Variants in PLEKHF1 observed in about 807,000 individuals in gnomAD.
PLEKHF1 encodes pleckstrin homology and FYVE domain containing 1.
A neutral mutation model predicts 4.1 loss-of-function variants in PLEKHF1; 1 was observed. The observed-to-expected ratio is 0.24, with a 90% CI of 0.09 to 1.15. The LOEUF (loss-of-function observed/expected upper bound fraction) is 1.15. PLEKHF1 is among the 50% of genes most tolerant of loss of function. The pLI is 0.52. For synonymous variants in PLEKHF1, 182 were observed against 178.5 expected (o/e 1.02, Z -0.16); for missense variants, 429 against 400.6 (o/e 1.07, Z -0.60).
At position 29,673,824 on chromosome 19, in the gene PLEKHF1, C is replaced by A. The variant is rs370308533; in HGVS notation, c.-16C>A. On this transcript the variant is annotated splice_region_variant and 5_prime_UTR_variant, in exon 2 of 2. Coordinates refer to ENST00000436066, the MANE Select transcript of PLEKHF1 (RefSeq NM_024310.5). The stretch of plus-strand genomic sequence containing the variant: ...ACTCCTTGTCTGTCTCCTCCTGCAG[C>A]CGCCAGCTGGAGACGATGGTGGACC... The A allele has an allele frequency of 1.1e-4, 170 of 1,578,966 alleles. No individual in the cohort carries two copies. The highest frequency in any genetic ancestry group is 5.1e-4 in the Middle Eastern group (3 of 5,934).
intron 1 of PLEKHF1, among the ~76,000 whole-genome samples, chr19:29,669,124 T>C (rs1250491677): frequency 6.6e-5 from 10 of 152,130 alleles, no homozygotes; most frequent in Admixed American, 5.2e-4. Flanking sequence ...AGGGGTCCCA[T>C]GTGGAGTGTT....
Position 29,674,206 on chromosome 19 carries a change from A to G in PLEKHF1, c.367A>G (p.Ile123Val). ...CTCCGCTACGGAGCGCCAGGAATGG[A>G]TTAGCCACATCGAGGAGTGCGTGCG... ...AASATERQEW[I>V]SHIEECVRRQ... Residue 123 changes from isoleucine (I) to valine (V), a missense_variant, in exon 2 of 2, where the codon ATT (isoleucine) becomes GTT (valine). By Grantham distance (29) the Ile-to-Val change is conservative. Coordinates refer to ENST00000436066, the MANE Select transcript of PLEKHF1 (RefSeq NM_024310.5). 6.2e-7 allele frequency: 1 copy of G among 1,612,888 alleles called. No individual in the cohort carries two copies. The highest frequency in any genetic ancestry group is 8.5e-7 in the Non-Finnish European group (1 of 1,179,832).
chr19:29,672,643 G>T (rs1036742675), intron 1 of PLEKHF1, among the ~76,000 whole-genome samples: 5 of 152,300 alleles, frequency 3.3e-5, no homozygotes, highest in Admixed American at 3.3e-4. Flanking sequence ...CAGGAAGGGG[G>T]AGATTCAAGG....
At position 29,675,456 on chromosome 19, in the gene PLEKHF1, T is replaced by G. The variant is rs151334176; in HGVS notation, c.*777T>G. ...CTTAATAATAAAAAAGAAAGTTTATTGATGGGTGGTTGCAAAACAAACCCA... is the reference window on the plus strand; with the variant it reads ...CTTAATAATAAAAAAGAAAGTTTATGGATGGGTGGTTGCAAAACAAACCCA... On this transcript the variant is annotated 3_prime_UTR_variant, in exon 2 of 2. Transcript: ENST00000436066. 1 of 167,026 alleles carries G rather than the reference T, an allele frequency of 6.0e-6. No homozygotes were observed. Among genetic ancestry groups the G allele is most frequent in the African/African-American group, 2.4e-5 (1 of 41,590 alleles). 10.3% of individuals were successfully genotyped at this position (167,026 alleles called of 1,614,324 possible).
Position 29,674,419 on chromosome 19 carries a change from C to T in PLEKHF1, c.580C>T (p.Pro194Ser). The T allele has an allele frequency of 6.5e-7, 1 of 1,529,838 alleles. No homozygotes were observed. Among genetic ancestry groups the T allele is most frequent in the Non-Finnish European group, 8.8e-7 (1 of 1,141,650 alleles). 94.8% of individuals were successfully genotyped at this position (1,529,838 alleles called of 1,614,324 possible). A position where few individuals can be genotyped will look rare whatever the true frequency, so the allele number is the denominator to read the frequency against. Residue 194 changes from proline to serine, a missense_variant, in exon 2 of 2, where the codon CCG becomes TCG. Pro to Ser is a moderately conservative substitution (Grantham distance 74). Coordinates refer to ENST00000436066, the MANE Select transcript of PLEKHF1 (RefSeq NM_024310.5). ...AECSRQRFLLPRLSPKPVRVC... is the reference protein window; with the variant it reads ...AECSRQRFLLSRLSPKPVRVC... Reference sequence around the variant, plus strand: ...GTGCTCGCGCCAGCGCTTCCTGCTCCCGCGCCTGTCCCCCAAGCCCGTGCG... The same window carrying T: ...GTGCTCGCGCCAGCGCTTCCTGCTCTCGCGCCTGTCCCCCAAGCCCGTGCG...
At chr19:29,665,781 T>G (rs1971562846) in intron 1 of PLEKHF1, 1 of 1,081,482 alleles carries the variant, frequency 9.2e-7, no homozygotes, top group Admixed American at 5.9e-5. Context: ...AACGCGCAGA[T>G]GTAAGCTGGT....
chr19:29,665,523 C>G lies in PLEKHF1; in HGVS notation c.-17+18C>G. On this transcript the variant is annotated intron_variant, in intron 1 of 1. Coordinates refer to ENST00000436066, the MANE Select transcript of PLEKHF1 (RefSeq NM_024310.5). ...CGCAGAAGGTGAGTCCCCCCACCGTCCCCCGGCCGGGCTGCGGGTCGCGGG... is the reference window on the plus strand; with the variant it reads ...CGCAGAAGGTGAGTCCCCCCACCGTGCCCCGGCCGGGCTGCGGGTCGCGGG... 8.1e-7 allele frequency: 1 copy of G among 1,241,394 alleles called. No individual in the cohort carries two copies. Among genetic ancestry groups the G allele is most frequent in the African/African-American group, 1.6e-5 (1 of 61,384 alleles). The allele number at this position is 1,241,394 out of a possible 1,614,324, so 76.9% of individuals were successfully genotyped here.
In PLEKHF1 at chr19:29,673,992, G is replaced by A. The variant is rs1335958341; in HGVS notation, c.153G>A (p.Lys51=). The A allele has an allele frequency of 1.9e-6, 3 of 1,613,992 alleles. No individual in the cohort carries two copies. The highest frequency in any genetic ancestry group is 1.7e-5 in the Admixed American group (1 of 60,012). The part of the protein sequence containing the change: ...VLTKECRKKA[K]PRIFFLFNDI... Reference sequence around the variant, plus strand: ...CCAAAGAGTGCCGCAAGAAGGCCAAGCCGCGCATCTTCTTCCTCTTTAACG... The same window carrying A: ...CCAAAGAGTGCCGCAAGAAGGCCAAACCGCGCATCTTCTTCCTCTTTAACG... The change falls in exon 2 of 2, where the codon AAG becomes AAA. Residue 51 remains lysine (K), a synonymous_variant. Coordinates refer to ENST00000436066, the MANE Select transcript of PLEKHF1 (RefSeq NM_024310.5).
rs947262612 is a variant in PLEKHF1 at position 29,671,752 on chromosome 19, A to G, written c.-16-2072A>G. 7.9e-5 allele frequency among the ~76,000 whole-genome samples: 12 copies of G among 152,108 alleles called. No individual in the cohort carries two copies. Among genetic ancestry groups the G allele is most frequent in the Non-Finnish European group, 1.6e-4 (11 of 68,024 alleles). ...AGGGCCCAGCATCTTCTGTTCTGCAATGCATCCACCCTCACACTGGGGCCC... is the reference window on the plus strand; with the variant it reads ...AGGGCCCAGCATCTTCTGTTCTGCAGTGCATCCACCCTCACACTGGGGCCC... On this transcript the variant is annotated intron_variant, in intron 1 of 1. Transcript: ENST00000436066. This position sits in a 1 kb window ranked among gnomAD's most constrained non-coding sequence, Gnocchi z 4.0.
chr19:29,671,456 C>T lies in PLEKHF1; in HGVS notation c.-16-2368C>T, dbSNP rs947311669. Reference sequence around the variant, plus strand: ...TGCGTGAGTAGCCCCGGGTTTTTATCCTTTTCCCTGCTGGTAGGCATTTTG... The same window carrying T: ...TGCGTGAGTAGCCCCGGGTTTTTATTCTTTTCCCTGCTGGTAGGCATTTTG... On this transcript the variant is annotated intron_variant, in intron 1 of 1. Transcript: ENST00000436066. This position sits in a 1 kb window ranked among gnomAD's most constrained non-coding sequence, Gnocchi z 4.0. Among the ~76,000 whole-genome samples, 1 of 152,136 alleles carries T rather than the reference C, an allele frequency of 6.6e-6. No homozygotes were observed. The highest frequency in any genetic ancestry group is 2.4e-5 in the African/African-American group (1 of 41,420).
chr19:29,674,507 A>C lies in PLEKHF1; in HGVS notation c.668A>C (p.Gln223Pro), dbSNP rs995737394. 2.4e-5 allele frequency: 37 copies of C among 1,556,982 alleles called. No individual in the cohort carries two copies. Among genetic ancestry groups the C allele is most frequent in the Non-Finnish European group, 3.0e-5 (35 of 1,153,692 alleles). The stretch of plus-strand genomic sequence containing the variant: ...CAGCGGCAGGAGGAGGCGGAGGAGC[A>C]GGGCGCGGGGTCCCCAGGGCAGCCA... ...AQQRQEEAEE[Q>P]GAGSPGQPAH... The change falls in exon 2 of 2, where the codon CAG (glutamine) becomes CCG (proline). Residue 223 changes from glutamine (Q) to proline (P), a missense_variant. Transcript: ENST00000436066.
chr19:29,666,316 C>A (rs1404997111), intron 1 of PLEKHF1, among the ~76,000 whole-genome samples: 1 of 152,198 alleles, frequency 6.6e-6, no homozygotes, highest in Non-Finnish European at 1.5e-5. Context: ...GGGAGGTAGT[C>A]CCCTAATGCG....
At chr19:29,673,553 T>G (rs892081844) in intron 1 of PLEKHF1, among the ~76,000 whole-genome samples, 8 of 152,132 alleles carry the variant, frequency 5.3e-5, no homozygotes, top group African/African-American at 1.9e-4. Flanking sequence ...CTGGCCTAAG[T>G]AGCACACTTT....
rs1971630580 is a variant in PLEKHF1, at chr19:29,671,393, T to C, written c.-16-2431T>C. The stretch of plus-strand genomic sequence containing the variant: ...GCTGTGTTTTTCCACTCCACGTTTG[T>C]TGTTTGCCGTCAGACCACATTGATC... On this transcript the variant is annotated intron_variant, in intron 1 of 1. Coordinates refer to ENST00000436066, the MANE Select transcript of PLEKHF1 (RefSeq NM_024310.5). The surrounding 1 kb of genome is among the most constrained non-coding windows in gnomAD (Gnocchi z 4.0). 6.6e-6 allele frequency among the ~76,000 whole-genome samples: 1 copy of C among 152,236 alleles called. No individual in the cohort carries two copies. Among genetic ancestry groups the C allele is most frequent in the Admixed American group, 6.5e-5 (1 of 15,278 alleles).
intron 1 of PLEKHF1, among the ~76,000 whole-genome samples, chr19:29,666,182 G>A (rs1428137710): frequency 8.0e-6 from 1 of 125,526 alleles, no homozygotes; most frequent in Non-Finnish European, 1.5e-5. Flanking sequence ...CTTTGCAGGT[G>A]GGAAAGCAGA....
rs199506253 is a variant in PLEKHF1 at position 29,674,589 on chromosome 19, C to T, written c.750C>T (p.Asp250=). 5 of 1,605,578 alleles carry T rather than the reference C, an allele frequency of 3.1e-6. No homozygotes were observed. Among genetic ancestry groups the T allele is most frequent in the East Asian group, 4.5e-5 (2 of 44,486 alleles). The change falls in exon 2 of 2, where the codon GAC becomes GAT. Residue 250 remains aspartate, a synonymous_variant. Transcript: ENST00000436066. The part of the protein sequence containing the change: ...GASSGDDDDS[D]EDKEGSRDGD... ...CCAGTGGAGATGACGATGACTCCGA[C>T]GAGGACAAGGAGGGCAGCAGGGACG... is the stretch of plus-strand genomic sequence containing the variant.
intron 1 of PLEKHF1, among the ~76,000 whole-genome samples, chr19:29,668,936 A>G (rs942012252): frequency 2.0e-5 from 3 of 152,128 alleles, no homozygotes; most frequent in Non-Finnish European, 4.4e-5. Context: ...AGGAGGGCAC[A>G]TGTGAGCCCC....
Position 29,674,134 on chromosome 19 carries a change from C to A in PLEKHF1, c.295C>A (p.Arg99Ser). The change falls in exon 2 of 2, where the codon CGC becomes AGC. Residue 99 changes from arginine to serine, a missense_variant. Transcript: ENST00000436066. ...GCCGGAGACGCTGCAGGCCAAGAAC[C>A]GCTGGATGATCAAGACGGCCAAGAA... ...LLPETLQAKN[R>S]WMIKTAKKSF... 1 of 1,613,870 alleles carries A rather than the reference C, an allele frequency of 6.2e-7. No individual in the cohort carries two copies. Among genetic ancestry groups the A allele is most frequent in the Admixed American group, 1.7e-5 (1 of 60,032 alleles).
At chr19:29,673,750 TGGG>T in intron 1 of PLEKHF1, 71 bp from the exon 2 acceptor site, 1 of 1,535,102 alleles carries the variant, frequency 6.5e-7, no homozygotes, top group Non-Finnish European at 8.8e-7. Flanking sequence ...GTTAGTCAGT[TGGG>T]GGTGGGCAGC....
Sources: allele counts gnomAD v4.1 joint callset (sites outside exome capture counted in the v4.1 genomes callset), GRCh38; gene constraint gnomAD v4.1.1; non-coding constraint Gnocchi (gnomAD v3.1); transcripts MANE v1.5; gene names NCBI Gene and HGNC (gene_info 2026-07-23, HGNC 2026-07-21).